SCARB2: variants seen among roughly 807,000 people sequenced by gnomAD.
SCARB2 encodes the protein lysosome membrane protein 2.
A neutral mutation model predicts 58.6 loss-of-function variants in SCARB2; 29 were observed. The observed-to-expected ratio is 0.49, with a 90% CI of 0.37 to 0.67. The LOEUF (loss-of-function observed/expected upper bound fraction) is 0.67, where lower values mean the gene tolerates loss of function less well. SCARB2 is among the 30% of genes least tolerant of loss of function. The probability of loss-of-function intolerance (pLI) is 0.00; values close to 1 mark genes in which losing one functional copy is unlikely to be tolerated. For synonymous variants in SCARB2, 195 were observed against 210.1 expected, an observed-to-expected ratio of 0.93 and a Z score of 0.62; for missense variants, 488 against 578.5, an observed-to-expected ratio of 0.84 and a Z score of 1.60.
At chr4:76,201,803 AGCAATTTT>A (rs752920722) in intron 1 of SCARB2, among the ~76,000 whole-genome samples, 10 of 152,248 alleles carry the variant, frequency 6.6e-5, no homozygotes, top group Non-Finnish European at 1.3e-4. Context: ...ATCTGTCTTT[AGCAATTTT>A]GGTTTTAATG....
upstream of SCARB2, among the ~76,000 whole-genome samples, chr4:76,217,143 C>T (rs1011945240): frequency 2.6e-5 from 4 of 152,240 alleles, no homozygotes; most frequent in African/African-American, 9.6e-5. Flanking sequence ...ACAGGATCAT[C>T]TCACCCTATG....
chr4:76,170,504 TG>T (rs1318693466), intron 7 of SCARB2, among the ~76,000 whole-genome samples: 1 of 152,182 alleles, frequency 6.6e-6, no homozygotes, highest in Non-Finnish European at 1.5e-5. Context: ...TTTTATTTCT[TG>T]TCCTTTTTAA....
intron 2 of SCARB2, among the ~76,000 whole-genome samples, chr4:76,186,734 T>C (rs1732495358): frequency 6.6e-6 from 1 of 152,188 alleles, no homozygotes; most frequent in Non-Finnish European, 1.5e-5. Flanking sequence ...CACGTGCATT[T>C]AAAACTCACA....
intron 1 of SCARB2, among the ~76,000 whole-genome samples, chr4:76,230,423 C>T (rs1433268063): frequency 6.6e-6 from 1 of 152,042 alleles, no homozygotes; most frequent in Non-Finnish European, 1.5e-5. Flanking sequence ...CAGACCTTGC[C>T]CCAGGCTATA....
At chr4:76,179,020 C>A (rs1732321182) in intron 4 of SCARB2, 1 of 168,876 alleles carries the variant, frequency 5.9e-6, no homozygotes, top group Non-Finnish European at 1.3e-5. Flanking sequence ...CTATCCACTG[C>A]ACTCCAGGGT....
rs1731869971 is a variant in SCARB2 at position 76,160,283 on chromosome 4, C to T, written c.*1430G>A. On this transcript the variant is annotated 3_prime_UTR_variant, in exon 12 of 12. Coordinates refer to ENST00000264896, the MANE Select transcript of SCARB2 (RefSeq NM_005506.4). ...ACAAAAAAAATCCTTTTGAATGGTT[C>T]AGTTGTTAAGAAATTCTATAAGCAC... 6.6e-6 allele frequency: 1 copy of T among 152,150 alleles called. No individual in the cohort carries two copies. The highest frequency in any genetic ancestry group is 1.5e-5 in the Non-Finnish European group (1 of 68,020). The allele number at this position is 152,150 out of a possible 1,614,324, so 9.4% of individuals were successfully genotyped here.
chr4:76,181,232 C>T, intron 2 of SCARB2, 131 bp from the exon 3 acceptor site: 1 of 888,780 alleles, frequency 1.1e-6, no homozygotes. Flanking sequence ...GAGACTGCAG[C>T]TACTAAGCCT....
chr4:76,200,447 G>A (rs1488835733), intron 1 of SCARB2, among the ~76,000 whole-genome samples: 2 of 152,212 alleles, frequency 1.3e-5, no homozygotes, highest in African/African-American at 4.8e-5. Flanking sequence ...TGAATTCACA[G>A]TGTCAACAGC....
intron 1 of SCARB2, among the ~76,000 whole-genome samples, chr4:76,232,102 A>G (rs1283646386): frequency 6.6e-6 from 1 of 152,242 alleles, no homozygotes; most frequent in South Asian, 2.1e-4. Context: ...AGAAACAAAC[A>G]TGCTTCAAAT....
At chr4:76,222,017 G>T (rs1176041368) in intron 1 of SCARB2, among the ~76,000 whole-genome samples, 1 of 152,178 alleles carries the variant, frequency 6.6e-6, no homozygotes, top group Non-Finnish European at 1.5e-5. Flanking sequence ...GATCCACCTG[G>T]TATACTAATA....
At chr4:76,176,383 G>A in intron 5 of SCARB2, 54 bp downstream of exon 5, 5 of 1,220,830 alleles carry the variant, frequency 4.1e-6, no homozygotes, top group Non-Finnish European at 6.0e-6. Context: ...AAGTAGACAT[G>A]TAGTTTAAAT....
chr4:76,198,483 T>C (rs1417839191), intron 1 of SCARB2, among the ~76,000 whole-genome samples: 3 of 152,192 alleles, frequency 2.0e-5, no homozygotes, highest in Admixed American at 1.3e-4. Flanking sequence ...AGGATAGAAA[T>C]AAACATTTAG....
chr4:76,194,995 CA>C (rs1454396076), intron 2 of SCARB2: 3 of 152,082 alleles, frequency 2.0e-5, no homozygotes, highest in Non-Finnish European at 4.4e-5. Flanking sequence ...CTGTCTCAGA[CA>C]AAAGTAAATT....
intron 1 of SCARB2, among the ~76,000 whole-genome samples, chr4:76,233,092 C>A (rs1464770135): frequency 7.3e-6 from 1 of 136,562 alleles, no homozygotes; most frequent in Non-Finnish European, 1.7e-5. Context: ...TACTAAAAAA[C>A]CACATTTTAC....
At chr4:76,171,955 G>A (rs2109939656) in intron 7 of SCARB2, among the ~76,000 whole-genome samples, 1 of 146,174 alleles carries the variant, frequency 6.8e-6, no homozygotes, top group East Asian at 2.1e-4. Context: ...ACATGCATGT[G>A]TGTGCACCAT....
upstream of SCARB2, among the ~76,000 whole-genome samples, chr4:76,217,196 A>G (rs1733223584): frequency 6.6e-6 from 1 of 152,198 alleles, no homozygotes. Flanking sequence ...CCTGCTTGCC[A>G]GCCACTAATA....
chr4:76,182,629 T>A (rs892550016), intron 2 of SCARB2, among the ~76,000 whole-genome samples: 1 of 152,172 alleles, frequency 6.6e-6, no homozygotes, highest in Non-Finnish European at 1.5e-5. Context: ...AGCACAGGGA[T>A]TTTTCTCACC....
intron 2 of SCARB2, chr4:76,193,665 C>T (rs1249132713): frequency 6.6e-6 from 1 of 152,230 alleles, no homozygotes. Flanking sequence ...TGGCCAATTT[C>T]TCCCTTCTCA....
At chr4:76,162,951 T>G in intron 11 of SCARB2, 3 of 597,696 alleles carry the variant, frequency 5.0e-6, no homozygotes, top group Non-Finnish European at 8.9e-6. Context: ...AGGTTATTGT[T>G]TTCAAAGACA....
Sources: gnomAD v4.1 joint callset for allele counts (sites outside exome capture counted in the v4.1 genomes callset) on GRCh38, gnomAD v4.1.1 for gene constraint, MANE v1.5 for transcripts, NCBI Gene and HGNC (gene_info 2026-07-23, HGNC 2026-07-21) for gene names.